ANKRD11: variants seen among roughly 807,000 people sequenced by gnomAD.
ANKRD11 encodes ankyrin repeat domain 11.
In ANKRD11, 17 loss-of-function variants were observed where a neutral mutation model predicts 195.7. The observed-to-expected ratio is 0.09, with a 90% CI of 0.06 to 0.13. ANKRD11 has a LOEUF of 0.13. ANKRD11 is among the 10% of genes least tolerant of loss of function. ANKRD11 has a pLI of 1.00. For synonymous variants in ANKRD11, 1,953 were observed against 1,528.1 expected, an observed-to-expected ratio of 1.28 and a Z score of -6.49; for missense variants, 3,735 against 3,566.1, an observed-to-expected ratio of 1.05 and a Z score of -1.21.
chr16:89,378,102 T>C (rs1329668986), intron 2 of ANKRD11, among the ~76,000 whole-genome samples: 2 of 152,118 alleles, frequency 1.3e-5, no homozygotes, highest in Admixed American at 1.3e-4. Context: ...ATAATCCCAG[T>C]GCACTGGGAG....
intron 2 of ANKRD11, among the ~76,000 whole-genome samples, chr16:89,382,249 A>C (rs1216054034): frequency 3.9e-5 from 6 of 152,118 alleles, no homozygotes; most frequent in Non-Finnish European, 7.4e-5. Context: ...AGCAAAGTTA[A>C]AAGGTGTCTA....
At chr16:89,421,857 G>C (rs888158716) in intron 1 of ANKRD11, among the ~76,000 whole-genome samples, 1 of 152,208 alleles carries the variant, frequency 6.6e-6, no homozygotes. Flanking sequence ...TTGGGGCAGG[G>C]GTGGGGGTAA....
intron 2 of ANKRD11, among the ~76,000 whole-genome samples, chr16:89,347,342 G>A (rs2038989488): frequency 6.6e-6 from 1 of 152,316 alleles, no homozygotes; most frequent in Admixed American, 6.5e-5. Context: ...GGGCACACTG[G>A]CTCATGCCTG....
At chr16:89,450,352 G>A (rs781588380) in intron 1 of ANKRD11, among the ~76,000 whole-genome samples, 9 of 152,314 alleles carry the variant, frequency 5.9e-5, no homozygotes, top group African/African-American at 1.9e-4. Flanking sequence ...GAGACAGAAT[G>A]TAAGAATACA....
intron 2 of ANKRD11, among the ~76,000 whole-genome samples, chr16:89,363,767 G>C (rs915429978): frequency 2.0e-5 from 3 of 152,168 alleles, no homozygotes; most frequent in African/African-American, 7.2e-5. Flanking sequence ...TCAGGAAGTG[G>C]AGTGCTAGCC....
chr16:89,360,720 C>G (rs3114874), intron 2 of ANKRD11: 1 of 152,214 alleles, frequency 6.6e-6, no homozygotes, highest in African/African-American at 2.4e-5. Context: ...TTTCAAAACT[C>G]CAGGTGTGTG....
intron 6 of ANKRD11, among the ~76,000 whole-genome samples, chr16:89,289,755 G>A (rs1196586886): frequency 6.6e-6 from 1 of 152,252 alleles, no homozygotes; most frequent in Admixed American, 6.5e-5. Flanking sequence ...TTCTCTTACA[G>A]ATAGGCCAGG....
At chr16:89,478,113 A>T (rs2057317636) in intron 1 of ANKRD11, among the ~76,000 whole-genome samples, 1 of 152,186 alleles carries the variant, frequency 6.6e-6, no homozygotes, top group South Asian at 2.1e-4. Flanking sequence ...AATAAACTGA[A>T]ATTTTGTTTA....
At chr16:89,351,455 C>A (rs1187012120) in intron 2 of ANKRD11, among the ~76,000 whole-genome samples, 1 of 152,188 alleles carries the variant, frequency 6.6e-6, no homozygotes, top group Non-Finnish European at 1.5e-5. Context: ...GCATTCATTA[C>A]CCACTACACC....
rs141990915 is a variant in ANKRD11, at chr16:89,334,644, C to T, written c.-59-17566G>A. On this transcript the variant is annotated intron_variant, in intron 2 of 12. Transcript: ENST00000301030. ...GCAGAGCCCAGCGCAGTCTCAGCCA[C>T]GCTCCATGAGGGGCCACATCCACGA... 4.5e-3 allele frequency among the ~76,000 whole-genome samples: 686 copies of T among 152,222 alleles called. 6 individuals are homozygous for T. The highest frequency in any genetic ancestry group is 0.015 in the African/African-American group (630 of 41,512).
At chr16:89,470,195 C>T (rs532282565) in intron 1 of ANKRD11, among the ~76,000 whole-genome samples, 1 of 152,084 alleles carries the variant, frequency 6.6e-6, no homozygotes, top group South Asian at 2.1e-4. Context: ...CGTGAGTCAC[C>T]ATGCCTATAA....
chr16:89,489,024 T>C (rs1352724005), intron 1 of ANKRD11: 1 of 152,144 alleles, frequency 6.6e-6, no homozygotes, highest in Non-Finnish European at 1.5e-5. Context: ...TGGAAGCTGA[T>C]ATATAACACT....
intron 4 of ANKRD11, among the ~76,000 whole-genome samples, chr16:89,303,987 C>T (rs150991905): frequency 6.6e-6 from 1 of 152,346 alleles, no homozygotes; most frequent in Non-Finnish European, 1.5e-5. Flanking sequence ...AGGGACAGAG[C>T]CGAGGGCCTG....
chr16:89,323,687 C>T, intron 2 of ANKRD11: 1 of 303,716 alleles, frequency 3.3e-6, no homozygotes. Context: ...ACGTCAGCGT[C>T]TCTGTCCAGC....
chr16:89,269,231 C>G (rs2032917573), intron 12 of ANKRD11, among the ~76,000 whole-genome samples: 2 of 152,082 alleles, frequency 1.3e-5, no homozygotes, highest in Admixed American at 6.5e-5. Flanking sequence ...TCATGACTCA[C>G]TGCAGCCTTG....
At chr16:89,381,505 G>C (rs1380909816) in intron 2 of ANKRD11, among the ~76,000 whole-genome samples, 2 of 152,156 alleles carry the variant, frequency 1.3e-5, no homozygotes, top group African/African-American at 4.8e-5. Flanking sequence ...TCAATAAAAA[G>C]CAAAATGAGG....
rs947802091 is a variant in ANKRD11, at chr16:89,279,340, T to C, written c.7202A>G (p.Asn2401Ser). Reference sequence around the variant, plus strand: ...CTCCCGCGTCTGCTGCGTGGACGTGTTCAGCTGCTGCTGCAGCTGCTGGGT... The same window carrying C: ...CTCCCGCGTCTGCTGCGTGGACGTGCTCAGCTGCTGCTGCAGCTGCTGGGT... ...RSTQQLQQQL[N>S]TSTQQTREVI... is the part of the protein sequence containing the mutation. The change falls in exon 9 of 13, where the codon AAC becomes AGC. Residue 2401 changes from asparagine (N) to serine (S), a missense_variant. Asn to Ser is a conservative substitution (Grantham distance 46). Coordinates refer to ENST00000301030, the MANE Select transcript of ANKRD11 (RefSeq NM_013275.6). The surrounding 1 kb of genome is among the most constrained non-coding windows in gnomAD (Gnocchi z 5.6). 5 of 1,611,112 alleles carry C rather than the reference T, an allele frequency of 3.1e-6. No individual in the cohort carries two copies. Among genetic ancestry groups the C allele is most frequent in the Non-Finnish European group, 4.2e-6 (5 of 1,179,488 alleles).
Position 89,303,936 on chromosome 16 carries a change from C to T in ANKRD11, c.226+1270G>A, listed in dbSNP as rs530619686. Among the ~76,000 whole-genome samples the T allele has an allele frequency of 1.2e-3, 179 of 152,330 alleles. 1 individual carries two copies. Among genetic ancestry groups the T allele is most frequent in the African/African-American group, 4.1e-3 (170 of 41,570 alleles). ...AGCCCGCATCCTGGCACAGCCTCTA[C>T]GCCTTGTGCTATGGCTGCATTCAAG... On this transcript the variant is annotated intron_variant, in intron 4 of 12. Coordinates refer to ENST00000301030, the MANE Select transcript of ANKRD11 (RefSeq NM_013275.6).
At chr16:89,337,977 C>T (rs780358272) in intron 2 of ANKRD11, among the ~76,000 whole-genome samples, 3 of 152,346 alleles carry the variant, frequency 2.0e-5, no homozygotes, top group African/African-American at 2.4e-5. Flanking sequence ...CACTGTCCCA[C>T]GGGTGACAAG....
Sources: gnomAD v4.1 joint callset for allele counts (sites outside exome capture counted in the v4.1 genomes callset) on GRCh38, gnomAD v4.1.1 for gene constraint, Gnocchi (gnomAD v3.1) non-coding constraint, MANE v1.5 for transcripts, NCBI Gene and HGNC (gene_info 2026-07-23, HGNC 2026-07-21) for gene names.